Variants in EPB41L2 observed in about 807,000 individuals in gnomAD.
EPB41L2 encodes the protein erythrocyte membrane protein band 4.1 like 2, also known as band 4.1-like protein 2.
EPB41L2 carries 43 observed loss-of-function variants against 113.0 expected under a neutral mutation model. That is an observed-to-expected ratio of 0.38 (90% CI 0.30 to 0.49). EPB41L2 has a LOEUF of 0.49. Ranked by LOEUF, EPB41L2 falls within the 20% of genes least tolerant of loss-of-function variation. The pLI is 0.95. For missense variants in EPB41L2, 1,147 were observed against 1,223.4 expected, an observed-to-expected ratio of 0.94 and a Z score of 0.93; for synonymous variants, 442 against 436.7, an observed-to-expected ratio of 1.01 and a Z score of -0.15.
At position 130,901,666 on chromosome 6, in the gene EPB41L2, T is replaced by C. The variant is rs1796345142; in HGVS notation, c.930-486A>G. Among the ~76,000 whole-genome samples, 3 of 152,188 alleles carry C rather than the reference T, an allele frequency of 2.0e-5. No homozygotes were observed. In the South Asian group the frequency reaches 6.2e-4, roughly 32 times the overall value. On this transcript the variant is annotated intron_variant, in intron 6 of 19. Transcript: ENST00000337057. The stretch of plus-strand genomic sequence containing the variant: ...TGGTAAATCTCTACTTTGAAGCCCT[T>C]ACTTTTCCATTTACCCCATTTAAAG...
At chr6:131,027,457 C>G (rs899005006) in intron 1 of EPB41L2, among the ~76,000 whole-genome samples, 2 of 152,234 alleles carry the variant, frequency 1.3e-5, no homozygotes, top group Non-Finnish European at 2.9e-5. Flanking sequence ...TATAGCTCCC[C>G]CTGGAACACA....
At chr6:130,881,516 T>C (rs967407670) in intron 12 of EPB41L2, 3 of 152,206 alleles carry the variant, frequency 2.0e-5, no homozygotes, top group African/African-American at 7.2e-5. Context: ...TTTACATTTT[T>C]CTTTAGGTTT....
intron 14 of EPB41L2, among the ~76,000 whole-genome samples, chr6:130,874,136 C>A (rs1027638545): frequency 7.9e-5 from 12 of 152,136 alleles, no homozygotes; most frequent in Non-Finnish European, 1.5e-5. Context: ...CATCATAATT[C>A]ATACAACACG....
chr6:131,003,918 G>A (rs566578150), intron 1 of EPB41L2, among the ~76,000 whole-genome samples: 6 of 152,306 alleles, frequency 3.9e-5, no homozygotes, highest in Admixed American at 3.3e-4. Context: ...GAATCTCTGA[G>A]CCCACCCAAC....
chr6:130,882,781 AG>A (rs1313641685), intron 12 of EPB41L2: 1 of 152,864 alleles, frequency 6.5e-6, no homozygotes, highest in Non-Finnish European at 1.5e-5. Context: ...GGCTGGGGAA[AG>A]CAAGATATCC....
At chr6:131,050,130 G>C (rs555948351) in intron 1 of EPB41L2, among the ~76,000 whole-genome samples, 5 of 152,312 alleles carry the variant, frequency 3.3e-5, no homozygotes, top group Non-Finnish European at 5.9e-5. Flanking sequence ...CCTGAGGTCA[G>C]GAGTTTGAGA....
chr6:130,904,255 T>C (rs1797091113), intron 6 of EPB41L2, among the ~76,000 whole-genome samples: 1 of 152,140 alleles, frequency 6.6e-6, no homozygotes, highest in African/African-American at 2.4e-5. Context: ...ATTACTAGAA[T>C]ATAAATGAAG....
chr6:130,935,013 A>G (rs1273677759), intron 3 of EPB41L2, among the ~76,000 whole-genome samples: 1 of 152,208 alleles, frequency 6.6e-6, no homozygotes, highest in Non-Finnish European at 1.5e-5. Flanking sequence ...CTCACAGTTC[A>G]TTAAGGATTG....
At chr6:130,990,581 T>A (rs555967780) in intron 1 of EPB41L2, among the ~76,000 whole-genome samples, 52 of 152,190 alleles carry the variant, frequency 3.4e-4, no homozygotes, top group African/African-American at 1.2e-3. Flanking sequence ...GATAAAAATA[T>A]GGGAAAAGAG....
At chr6:130,958,210 G>C (rs1246473375) in intron 1 of EPB41L2, among the ~76,000 whole-genome samples, 4 of 152,128 alleles carry the variant, frequency 2.6e-5, no homozygotes, top group Non-Finnish European at 5.9e-5. Context: ...CCAGCACTTT[G>C]GGAGGTCGAG....
chr6:130,924,092 T>G (rs1803802101), intron 4 of EPB41L2, among the ~76,000 whole-genome samples: 1 of 152,210 alleles, frequency 6.6e-6, no homozygotes, highest in Non-Finnish European at 1.5e-5. Flanking sequence ...TTTTAGTGAC[T>G]GCTTTAACTC....
At chr6:131,008,838 G>A (rs546903114) in intron 1 of EPB41L2, among the ~76,000 whole-genome samples, 49 of 152,278 alleles carry the variant, frequency 3.2e-4, no homozygotes, top group Non-Finnish European at 5.1e-4. Flanking sequence ...CATTTCTCCC[G>A]TTTGGAATGG....
At chr6:130,971,900 T>C (rs1373042232) in intron 1 of EPB41L2, among the ~76,000 whole-genome samples, 1 of 152,250 alleles carries the variant, frequency 6.6e-6, no homozygotes, top group East Asian at 1.9e-4. Flanking sequence ...AACTCATTTA[T>C]ACAAGAATGT....
chr6:130,997,720 T>C (rs1052911654), intron 1 of EPB41L2, among the ~76,000 whole-genome samples: 12 of 152,252 alleles, frequency 7.9e-5, no homozygotes, highest in Admixed American at 1.3e-4. Context: ...GAACAATGTT[T>C]CCAGTAGGAC....
chr6:130,958,472 A>AAC (rs1562592400), intron 1 of EPB41L2, among the ~76,000 whole-genome samples: 3 of 101,736 alleles, frequency 2.9e-5, no homozygotes, highest in African/African-American at 1.5e-4. Context: ...CAACAACAAA[A>AAC]AAAAAAAAAA....
At chr6:130,951,641 T>C (rs1815144327) in intron 3 of EPB41L2, among the ~76,000 whole-genome samples, 1 of 152,062 alleles carries the variant, frequency 6.6e-6, no homozygotes, top group South Asian at 2.1e-4. Context: ...TTAATTTTAA[T>C]GGCAAAAACT....
At chr6:131,042,162 TA>T (rs1794585550) in intron 1 of EPB41L2, among the ~76,000 whole-genome samples, 1 of 152,128 alleles carries the variant, frequency 6.6e-6, no homozygotes, top group Non-Finnish European at 1.5e-5. Context: ...ACCTCCATTA[TA>T]AAAAGTATTT....
At chr6:130,847,492 G>A (rs1582587054) in intron 19 of EPB41L2, among the ~76,000 whole-genome samples, 1 of 151,858 alleles carries the variant, frequency 6.6e-6, no homozygotes, top group Non-Finnish European at 1.5e-5. Context: ...AATTTGTAAC[G>A]TAAGACTGAA....
intron 12 of EPB41L2, 52 bp downstream of exon 12, chr6:130,885,044 C>A (rs1790491751): frequency 6.3e-7 from 1 of 1,584,534 alleles, no homozygotes; most frequent in South Asian, 1.1e-5. Context: ...CAACAGATAC[C>A]CTCTAGGTTA....
Sources: gnomAD v4.1 joint callset for allele counts (sites outside exome capture counted in the v4.1 genomes callset) on GRCh38, gnomAD v4.1.1 for gene constraint, MANE v1.5 for transcripts, NCBI Gene and HGNC (gene_info 2026-07-23, HGNC 2026-07-21) for gene names.